Variants in RORA observed in about 807,000 individuals in gnomAD.
RORA encodes the protein RAR related orphan receptor A, also known as nuclear receptor ROR-alpha.
Under a neutral mutation model 69.5 loss-of-function variants are expected in RORA, and 7 were observed. The observed-to-expected ratio is 0.10, with a 90% CI of 0.06 to 0.19. The LOEUF (loss-of-function observed/expected upper bound fraction) is 0.19. RORA is among the 10% of genes least tolerant of loss of function. The pLI, the probability that RORA is intolerant of heterozygous loss-of-function variation, is 1.00. For missense variants in RORA, 457 were observed against 663.0 expected (o/e 0.69, Z 3.41); for synonymous variants, 261 against 240.8 (o/e 1.08, Z -0.78).
At chr15:60,726,223 C>T (rs2071354994) in intron 1 of RORA, among the ~76,000 whole-genome samples, 1 of 152,136 alleles carries the variant, frequency 6.6e-6, no homozygotes, top group African/African-American at 2.4e-5. Context: ...CTTTTCACTG[C>T]ATGCACTGTC....
chr15:60,924,406 AAAG>A (rs1892147218), intron 1 of RORA, among the ~76,000 whole-genome samples: 1 of 124,260 alleles, frequency 8.0e-6, no homozygotes, highest in Non-Finnish European at 1.9e-5. Context: ...AGATTTGAAC[AAAG>A]AAGAAAACTA....
chr15:60,818,010 G>T (rs781754734), intron 1 of RORA, among the ~76,000 whole-genome samples: 25 of 152,236 alleles, frequency 1.6e-4, no homozygotes, highest in Middle Eastern at 6.8e-3. Context: ...CCAGTCACAG[G>T]TGAGTAATAC....
chr15:60,507,876 A>G (rs910702999), intron 5 of RORA, among the ~76,000 whole-genome samples: 2 of 152,188 alleles, frequency 1.3e-5, no homozygotes, highest in Non-Finnish European at 2.9e-5. Flanking sequence ...GATACTTAGC[A>G]TCTTGTGGTT....
intron 2 of RORA, among the ~76,000 whole-genome samples, chr15:60,639,338 T>C (rs963349847): frequency 2.6e-5 from 4 of 151,968 alleles, no homozygotes; most frequent in African/African-American, 4.8e-5. Flanking sequence ...GAATCTTTCA[T>C]GCTTATTTTC....
chr15:61,102,479 T>C (rs1463112666), intron 1 of RORA, among the ~76,000 whole-genome samples: 1 of 152,190 alleles, frequency 6.6e-6, no homozygotes, highest in African/African-American at 2.4e-5. Flanking sequence ...GCCTTTCGTT[T>C]TTGCTCTGTA....
Position 60,595,626 on chromosome 15 carries a change from T to G in RORA, c.197-63775A>C, listed in dbSNP as rs545073626. 2.0e-5 allele frequency among the ~76,000 whole-genome samples: 3 copies of G among 151,926 alleles called. No individual in the cohort carries two copies. In the East Asian group the frequency reaches 5.8e-4, roughly 29 times the overall value. ...TAAATAAATGCTTATGAGTACCGAC[T>G]GAGGGAGAACACAGTGCTAAGGAAC... On this transcript the variant is annotated intron_variant, in intron 2 of 10. Coordinates refer to ENST00000335670, the MANE Select transcript of RORA (RefSeq NM_134261.3).
At chr15:61,183,359 AC>A (rs2079706714) in intron 1 of RORA, among the ~76,000 whole-genome samples, 1 of 152,022 alleles carries the variant, frequency 6.6e-6, no homozygotes, top group Non-Finnish European at 1.5e-5. Flanking sequence ...ACATGGTGAA[AC>A]CCCATCCCTA....
chr15:60,503,032 G>C (rs2065379983), intron 7 of RORA, among the ~76,000 whole-genome samples, 165 bp from the exon 8 acceptor site: 1 of 152,178 alleles, frequency 6.6e-6, no homozygotes, highest in South Asian at 2.1e-4. Flanking sequence ...CAAAAGGGCA[G>C]AGTTTTCTAT....
intron 10 of RORA, among the ~76,000 whole-genome samples, chr15:60,498,178 T>C (rs1227886195): frequency 2.6e-5 from 4 of 152,236 alleles, no homozygotes; most frequent in African/African-American, 7.2e-5. Flanking sequence ...TAAGCAAAAG[T>C]TGGCACAGCT....
At chr15:60,752,371 G>A (rs773322249) in intron 1 of RORA, among the ~76,000 whole-genome samples, 3 of 152,168 alleles carry the variant, frequency 2.0e-5, no homozygotes, top group African/African-American at 4.8e-5. Context: ...AGGGACGTGT[G>A]AAAGGAAAGT....
intron 1 of RORA, among the ~76,000 whole-genome samples, chr15:60,784,965 G>T (rs1439859367): frequency 6.6e-6 from 1 of 152,100 alleles, no homozygotes; most frequent in Non-Finnish European, 1.5e-5. Flanking sequence ...CAGCCCTGGC[G>T]AGAGGAAATT....
chr15:61,055,502 C>T (rs977821917), intron 1 of RORA, among the ~76,000 whole-genome samples: 1 of 152,204 alleles, frequency 6.6e-6, no homozygotes, highest in Non-Finnish European at 1.5e-5. Context: ...CTCTCCCGCC[C>T]CTACAATGCC....
intron 1 of RORA, among the ~76,000 whole-genome samples, chr15:60,878,939 C>G (rs1383521898): frequency 1.3e-5 from 2 of 152,198 alleles, no homozygotes; most frequent in Non-Finnish European, 2.9e-5. Context: ...AATGGTGGAT[C>G]TGCTCATCAA....
chr15:60,726,871 G>A (rs1196297715), intron 1 of RORA, among the ~76,000 whole-genome samples: 2 of 152,060 alleles, frequency 1.3e-5, no homozygotes, highest in African/African-American at 2.4e-5. Flanking sequence ...AAGGGAAGAA[G>A]GCAATCAAAA....
Position 60,494,216 on chromosome 15 carries a change from A to T in RORA, c.*3239T>A, listed in dbSNP as rs777006355. 2.0e-5 allele frequency: 3 copies of T among 152,178 alleles called. No homozygotes were observed. Among genetic ancestry groups the T allele is most frequent in the Non-Finnish European group, 4.4e-5 (3 of 68,024 alleles). The allele number at this position is 152,178 out of a possible 1,614,324, so 9.4% of individuals were successfully genotyped here. A position where few individuals can be genotyped will look rare whatever the true frequency, so the allele number is the denominator to read the frequency against. ...TCCGTAGCTTTAACACAATTTGCAA[A>T]CTGTCCAAAAAGCACTTTCATCTGT... On this transcript the variant is annotated 3_prime_UTR_variant, in exon 11 of 11. Transcript: ENST00000335670.
intron 1 of RORA, among the ~76,000 whole-genome samples, chr15:61,033,978 A>G (rs1208589840): frequency 1.3e-5 from 2 of 152,222 alleles, no homozygotes; most frequent in Non-Finnish European, 2.9e-5. Context: ...ATGTTACGTT[A>G]AATAAGCTGC....
chr15:60,525,048 G>A (rs1158315395), intron 3 of RORA, among the ~76,000 whole-genome samples: 2 of 151,966 alleles, frequency 1.3e-5, no homozygotes, highest in Admixed American at 6.6e-5. Context: ...ATGTAGGGCC[G>A]ACTGAATAAC....
chr15:61,005,357 G>A (rs1488378861), intron 1 of RORA, among the ~76,000 whole-genome samples: 1 of 152,166 alleles, frequency 6.6e-6, no homozygotes, highest in Non-Finnish European at 1.5e-5. Flanking sequence ...GCAGGCGCCT[G>A]TAATACCAGC....
intron 1 of RORA, among the ~76,000 whole-genome samples, chr15:61,197,887 G>A (rs1481134172): frequency 9.4e-6 from 1 of 106,152 alleles, no homozygotes; most frequent in African/African-American, 3.1e-5. Context: ...CTGAAGGGAA[G>A]ATCCCTCCCA....
Sources: gnomAD v4.1 joint callset for allele counts (sites outside exome capture counted in the v4.1 genomes callset) on GRCh38, gnomAD v4.1.1 for gene constraint, MANE v1.5 for transcripts, NCBI Gene and HGNC (gene_info 2026-07-23, HGNC 2026-07-21) for gene names.